The following NRXN1 variants were observed in gnomAD, a reference collection of about 807,000 sequenced individuals.
NRXN1 encodes neurexin 1.
A neutral mutation model predicts 150.9 loss-of-function variants in NRXN1; 39 were observed. The observed-to-expected ratio is 0.26, with a 90% CI of 0.20 to 0.34. The LOEUF (loss-of-function observed/expected upper bound fraction) is 0.34, where lower values mean the gene tolerates loss of function less well. Ranked by LOEUF, NRXN1 falls within the 10% of genes least tolerant of loss-of-function variation. The pLI is 1.00. For synonymous variants in NRXN1, 924 were observed against 757.0 expected (o/e 1.22, Z -3.62); for missense variants, 1,815 against 1,949.9 (o/e 0.93, Z 1.30).
chr2:50,701,565 G>C (rs1693745880), intron 5 of NRXN1, among the ~76,000 whole-genome samples: 2 of 152,086 alleles, frequency 1.3e-5, no homozygotes, highest in Admixed American at 6.6e-5. Context: ...ACCTCTGTTA[G>C]CACATGATTA....
chr2:50,014,263 T>C (rs1365894740), intron 21 of NRXN1, among the ~76,000 whole-genome samples: 2 of 152,138 alleles, frequency 1.3e-5, no homozygotes, highest in Non-Finnish European at 2.9e-5. Flanking sequence ...GAGGATTAGT[T>C]ACCAATGCAA....
At chr2:50,790,205 T>C (rs1705738163) in intron 5 of NRXN1, among the ~76,000 whole-genome samples, 1 of 152,036 alleles carries the variant, frequency 6.6e-6, no homozygotes, top group Admixed American at 6.6e-5. Flanking sequence ...TTATGAAATG[T>C]GCCCCATTCA....
intron 21 of NRXN1, among the ~76,000 whole-genome samples, chr2:50,038,576 C>T (rs1690406353): frequency 6.6e-6 from 1 of 152,152 alleles, no homozygotes; most frequent in Admixed American, 6.5e-5. Context: ...GATACTGAGC[C>T]ACAGGCACCC....
At chr2:50,591,921 T>G (rs1158705232) in intron 8 of NRXN1, among the ~76,000 whole-genome samples, 1 of 152,208 alleles carries the variant, frequency 6.6e-6, no homozygotes, top group East Asian at 1.9e-4. Flanking sequence ...ACCTTTTGTG[T>G]GGATCTCAAA....
intron 18 of NRXN1, among the ~76,000 whole-genome samples, chr2:50,202,385 A>G (rs1006324428): frequency 6.6e-6 from 1 of 152,174 alleles, no homozygotes; most frequent in Non-Finnish European, 1.5e-5. Context: ...GGGCACCTGT[A>G]GTCCCAGCTA....
chr2:50,532,461 A>G (rs2093142951), intron 10 of NRXN1, among the ~76,000 whole-genome samples: 1 of 152,218 alleles, frequency 6.6e-6, no homozygotes. Context: ...AACAACAGAT[A>G]ATACTTCTTT....
intron 17 of NRXN1, among the ~76,000 whole-genome samples, chr2:50,344,385 T>C (rs1471221598): frequency 6.6e-6 from 1 of 152,080 alleles, no homozygotes; most frequent in African/African-American, 2.4e-5. Flanking sequence ...GCGCCTCTGA[T>C]TGAAAAAAAC....
In NRXN1 at chr2:51,028,795, G is replaced by C. The variant is rs1671035063; in HGVS notation, c.-522C>G. On this transcript the variant is annotated 5_prime_UTR_variant, in exon 2 of 23. Coordinates refer to ENST00000401669, the MANE Select transcript of NRXN1 (RefSeq NM_001330078.2). ...AGTGAGCCAGTATCCTTGGATGCTT[G>C]TGAATGCCTCAAGTCTGTCTCCTTC... The C allele has an allele frequency of 1.3e-5, 2 of 152,610 alleles. No homozygotes were observed. Among genetic ancestry groups the C allele is most frequent in the Non-Finnish European group, 2.9e-5 (2 of 68,328 alleles). 9.5% of individuals were successfully genotyped at this position (152,610 alleles called of 1,614,324 possible). A position where few individuals can be genotyped will look rare whatever the true frequency, so the allele number is the denominator to read the frequency against.
intron 15 of NRXN1, among the ~76,000 whole-genome samples, chr2:50,480,629 T>C (rs1315737465): frequency 1.3e-5 from 2 of 152,204 alleles, no homozygotes; most frequent in Non-Finnish European, 2.9e-5. Flanking sequence ...GGTTTGCAGA[T>C]GTTTCACTCC....
intron 9 of NRXN1, chr2:50,548,173 A>G (rs2093535757): frequency 6.6e-6 from 1 of 152,174 alleles, no homozygotes; most frequent in South Asian, 2.1e-4. Flanking sequence ...GTCCTCAGAA[A>G]GGAGTTACCA....
chr2:50,994,529 G>C (rs1409510111), intron 2 of NRXN1, among the ~76,000 whole-genome samples: 1 of 151,922 alleles, frequency 6.6e-6, no homozygotes, highest in East Asian at 1.9e-4. Flanking sequence ...AAGGATCTAG[G>C]TTTATATCTA....
chr2:51,023,893 A>G (rs1455217876), intron 2 of NRXN1, among the ~76,000 whole-genome samples: 1 of 152,226 alleles, frequency 6.6e-6, no homozygotes, highest in Admixed American at 6.5e-5. Flanking sequence ...GTTCAGTGAC[A>G]TTAAACAATC....
chr2:50,522,274 T>C (rs1470507236), intron 12 of NRXN1, among the ~76,000 whole-genome samples: 6 of 152,212 alleles, frequency 3.9e-5, no homozygotes, highest in Non-Finnish European at 8.8e-5. Context: ...TTAGAATGTT[T>C]CTTCTAAAAC....
chr2:50,595,796 A>G (rs772053442), intron 8 of NRXN1, among the ~76,000 whole-genome samples: 8 of 152,166 alleles, frequency 5.3e-5, no homozygotes, highest in Non-Finnish European at 1.0e-4. Context: ...TGCCATTATT[A>G]TCTATGTTCC....
rs951533220 is a variant in NRXN1 at position 50,649,878 on chromosome 2, T to C, written c.833-26263A>G. ...TGAATCATAGATGCTATAATTGCCC[T>C]TGTTCTGTCCCTAAATGAAGAAAAA... On this transcript the variant is annotated intron_variant, in intron 5 of 22. Coordinates refer to ENST00000401669, the MANE Select transcript of NRXN1 (RefSeq NM_001330078.2). Among the ~76,000 whole-genome samples, 17 of 151,992 alleles carry C rather than the reference T, an allele frequency of 1.1e-4. 1 individual carries two copies. The highest frequency in any genetic ancestry group is 4.1e-4 in the African/African-American group (17 of 41,422).
At chr2:50,430,207 T>TGA (rs1391659176) in intron 17 of NRXN1, among the ~76,000 whole-genome samples, 1 of 152,186 alleles carries the variant, frequency 6.6e-6, no homozygotes, top group African/African-American at 2.4e-5. Context: ...TAACCTAGGG[T>TGA]GAGCCATCAG....
chr2:50,196,843 TG>T (rs1340251639), intron 18 of NRXN1, among the ~76,000 whole-genome samples: 1 of 152,026 alleles, frequency 6.6e-6, no homozygotes, highest in African/African-American at 2.4e-5. Flanking sequence ...CACTTATTAG[TG>T]GGAGCTAAAT....
intron 21 of NRXN1, among the ~76,000 whole-genome samples, chr2:49,963,563 T>G (rs552870183): frequency 6.6e-6 from 1 of 152,290 alleles, no homozygotes; most frequent in South Asian, 2.1e-4. Flanking sequence ...CGCAATGAGA[T>G]GTGAAATAAG....
Position 50,610,748 on chromosome 2 carries a change from TTA to T in NRXN1, c.1320+9272_1320+9273del, listed in dbSNP as rs1677962804. ...GTCATTACTAGAACATAGCTTGTAA[TTA>T]TATTTATATATATATATATATGTAT... On this transcript the variant is annotated intron_variant, in intron 8 of 22. Coordinates refer to ENST00000401669, the MANE Select transcript of NRXN1 (RefSeq NM_001330078.2). 2.4e-5 allele frequency among the ~76,000 whole-genome samples: 3 copies of T among 123,002 alleles called. No individual in the cohort carries two copies. In the South Asian group the frequency reaches 7.5e-4, roughly 31 times the overall value. The allele number at this position is 123,002 out of a possible 152,430, so 80.7% of individuals were successfully genotyped here. A position where few individuals can be genotyped will look rare whatever the true frequency, so the allele number is the denominator to read the frequency against.
Sources: gnomAD v4.1 joint callset for allele counts (sites outside exome capture counted in the v4.1 genomes callset) on GRCh38, gnomAD v4.1.1 for gene constraint, MANE v1.5 for transcripts, NCBI Gene and HGNC (gene_info 2026-07-23, HGNC 2026-07-21) for gene names.